Variants in BTBD16 observed in about 807,000 individuals in gnomAD.
BTBD16 encodes the protein BTB/POZ domain-containing protein 16.
In BTBD16, 66 loss-of-function variants were observed where a neutral mutation model predicts 67.4. The observed-to-expected ratio is 0.98, with a 90% CI of 0.80 to 1.20. The LOEUF (loss-of-function observed/expected upper bound fraction) is 1.20. Among genes scored for constraint, BTBD16 ranks in the 50% most tolerant of loss-of-function variants. The probability of loss-of-function intolerance (pLI) is 0.00; values close to 1 mark genes in which losing one functional copy is unlikely to be tolerated. For synonymous variants in BTBD16, 242 were observed against 236.4 expected (o/e 1.02, Z -0.22); for missense variants, 634 against 616.0 (o/e 1.03, Z -0.31).
intron 9 of BTBD16, 128 bp from the exon 10 acceptor site, chr10:122,307,061 T>G: frequency 9.3e-7 from 1 of 1,078,528 alleles, no homozygotes; most frequent in Non-Finnish European, 1.3e-6. Context: ...CTGCTTGATG[T>G]CTGAGGCTAC....
At chr10:122,288,364 T>C (rs1004288024) in intron 5 of BTBD16, among the ~76,000 whole-genome samples, 2 of 152,146 alleles carry the variant, frequency 1.3e-5, no homozygotes, top group African/African-American at 2.4e-5. Flanking sequence ...ATTTACTCAG[T>C]GAGAGCCAGC....
chr10:122,310,721 A>G (rs373781003), intron 10 of BTBD16, among the ~76,000 whole-genome samples: 21 of 152,380 alleles, frequency 1.4e-4, no homozygotes, highest in African/African-American at 4.8e-4. Flanking sequence ...TTGATAAAAT[A>G]ACTTCAATGA....
intron 11 of BTBD16, 103 bp from the exon 12 acceptor site, chr10:122,331,073 T>A (rs2096454278): frequency 1.4e-6 from 2 of 1,474,960 alleles, no homozygotes; most frequent in East Asian, 4.8e-5. Context: ...CCCCTTTCCC[T>A]TCCCTCAGCT....
Position 122,315,131 on chromosome 10 carries a change from GAT to G in BTBD16, c.911+7829_911+7830del, listed in dbSNP as rs1278880566. On this transcript the variant is annotated intron_variant, in intron 10 of 15. Transcript: ENST00000260723. ...AATGGTTCTCAGATTTTCTCAAAAT[GAT>G]ATATAGTTTTCTCCTTTTTGCTATG... Among the ~76,000 whole-genome samples, 141 of 152,226 alleles carry G rather than the reference GAT, an allele frequency of 9.3e-4. 1 individual carries two copies. Among genetic ancestry groups the G allele is most frequent in the Non-Finnish European group, 1.5e-4 (10 of 68,006 alleles).
intron 5 of BTBD16, 38 bp downstream of exon 5, chr10:122,286,286 G>A: frequency 6.3e-7 from 1 of 1,576,876 alleles, no homozygotes; most frequent in Non-Finnish European, 8.6e-7. Context: ...GAGCCCCAGT[G>A]CCCTCTAGCT....
chr10:122,313,257 G>GTTTTTTTTTTTTTTTT (rs58984425), intron 10 of BTBD16, among the ~76,000 whole-genome samples: 2 of 139,136 alleles, frequency 1.4e-5, no homozygotes, highest in Non-Finnish European at 1.5e-5. Context: ...AGTTAGTGCT[G>GTTTTTTTTTTTTTTTT]TTTTTTTTTT....
Position 122,336,562 on chromosome 10 carries a change from G to A in BTBD16, c.1332G>A (p.Ala444=), listed in dbSNP as rs139875551. The change falls in exon 15 of 16, where the codon GCG becomes GCA. Residue 444 remains alanine (A), a synonymous_variant. Transcript: ENST00000260723. ...VYEHNHVSLR[A]ARLVKYEIRA... is the part of the protein sequence containing the mutation. ...AGCACAACCACGTCAGCCTGCGAGC[G>A]GCACGCCTGGTGAAGTATGAGATCA... The A allele has an allele frequency of 6.8e-6, 11 of 1,612,886 alleles. No homozygotes were observed. The highest frequency in any genetic ancestry group is 3.4e-5 in the Admixed American group (2 of 59,696).
At chr10:122,327,806 C>T (rs1014247981) in intron 10 of BTBD16, among the ~76,000 whole-genome samples, 2 of 152,200 alleles carry the variant, frequency 1.3e-5, no homozygotes, top group Admixed American at 6.5e-5. Context: ...CTCGGTTCCT[C>T]TTGCCCCTGC....
At chr10:122,278,745 T>C (rs1211972069) in intron 3 of BTBD16, among the ~76,000 whole-genome samples, 3 of 152,182 alleles carry the variant, frequency 2.0e-5, no homozygotes, top group South Asian at 2.1e-4. Flanking sequence ...CTTTGTGATA[T>C]TGGGAAGCTG....
Position 122,336,625 on chromosome 10 carries a change from C to T in BTBD16, c.1395C>T (p.Phe465=), listed in dbSNP as rs141103171. 1,560 of 1,609,870 alleles carry T rather than the reference C, an allele frequency of 9.7e-4. 1 individual carries two copies. Among genetic ancestry groups the T allele is most frequent in the Non-Finnish European group, 9.4e-4 (1,107 of 1,179,022 alleles). ...EALVDGKWQE[F]RTNQIKQKFG... is the part of the protein sequence containing the mutation. ...TGGTTGACGGCAAGTGGCAGGAGTT[C>T]AGGACAAACCAGATCAAGCAGAAGT... is the stretch of plus-strand genomic sequence containing the variant. The change falls in exon 15 of 16, where the codon TTC becomes TTT. Residue 465 remains phenylalanine (F), a synonymous_variant. Transcript: ENST00000260723.
chr10:122,279,624 T>A (rs1176225530), intron 3 of BTBD16, among the ~76,000 whole-genome samples: 5 of 151,836 alleles, frequency 3.3e-5, no homozygotes, highest in Non-Finnish European at 5.9e-5. Context: ...AGGGTGTGTA[T>A]AACATGAAGG....
chr10:122,292,350 G>A (rs1413634940), intron 7 of BTBD16, among the ~76,000 whole-genome samples: 1 of 152,112 alleles, frequency 6.6e-6, no homozygotes, highest in African/African-American at 2.4e-5. Context: ...CATCTTCCCT[G>A]CAACCCTAGG....
Position 122,307,231 on chromosome 10 carries a change from T to C in BTBD16, c.834T>C (p.Leu278=). ...FSEFHLLKTM[L]LWVFLQLNYK... The stretch of plus-strand genomic sequence containing the variant: ...AATTCCATCTTCTGAAAACAATGCT[T>C]TTGTGGGTCTTCTTGCAACTGAACT... The change falls in exon 10 of 16, where the codon CTT becomes CTC. Residue 278 remains leucine (L), a synonymous_variant. Coordinates refer to ENST00000260723, the MANE Select transcript of BTBD16 (RefSeq NM_144587.5). The C allele has an allele frequency of 6.2e-7, 1 of 1,611,024 alleles. No individual in the cohort carries two copies. Among genetic ancestry groups the C allele is most frequent in the Admixed American group, 1.7e-5 (1 of 59,302 alleles).
intron 10 of BTBD16, among the ~76,000 whole-genome samples, chr10:122,320,218 A>G (rs1449831579): frequency 1.8e-4 from 28 of 152,114 alleles, no homozygotes; most frequent in Non-Finnish European, 4.4e-5. Context: ...TGAATACAAT[A>G]TTCAGTACAT....
At chr10:122,306,810 A>G (rs1327918941) in intron 9 of BTBD16, among the ~76,000 whole-genome samples, 1 of 152,234 alleles carries the variant, frequency 6.6e-6, no homozygotes, top group Non-Finnish European at 1.5e-5. Flanking sequence ...CTCAATTTCT[A>G]CATCTATAAA....
intron 10 of BTBD16, chr10:122,328,837 C>T (rs543882311): frequency 4.1e-6 from 4 of 985,420 alleles, no homozygotes; most frequent in East Asian, 1.1e-4. Flanking sequence ...CAACCCAGCG[C>T]TGAACTTCAG....
chr10:122,320,977 A>G (rs1020439291), intron 10 of BTBD16, among the ~76,000 whole-genome samples: 2 of 152,078 alleles, frequency 1.3e-5, no homozygotes, highest in African/African-American at 2.4e-5. Flanking sequence ...ATAGTACTCA[A>G]TAGGTAGTTT....
rs1590097522 is a variant in BTBD16, at chr10:122,329,353, A to T, written c.912-127A>T. 5 of 789,828 alleles carry T rather than the reference A, an allele frequency of 6.3e-6. No individual in the cohort carries two copies. In the East Asian group the frequency reaches 1.3e-4, roughly 20 times the overall value. 48.9% of individuals were successfully genotyped at this position (789,828 alleles called of 1,614,324 possible). On this transcript the variant is annotated intron_variant, in intron 10 of 15. Coordinates refer to ENST00000260723, the MANE Select transcript of BTBD16 (RefSeq NM_144587.5). ...CCATGTACCTGACCCCTCCAGAGGG[A>T]CCGAGGCCCCATCTCCCCCTGGCTA...
chr10:122,276,887 A>T lies in BTBD16; in HGVS notation c.115A>T (p.Met39Leu), dbSNP rs745851544. ...FSGDLLSLSQ[M>L]CKALSIDFEE... ...TGGGGACCTGCTCTCACTTTCCCAG[A>T]TGTGCAAGGCTCTGAGCATAGACTT... Residue 39 changes from methionine (M) to leucine (L), a missense_variant, in exon 3 of 16, where the codon ATG becomes TTG. Physicochemically the swap from Met to Leu is conservative, Grantham distance 15. Coordinates refer to ENST00000260723, the MANE Select transcript of BTBD16 (RefSeq NM_144587.5). 6.2e-7 allele frequency: 1 copy of T among 1,614,182 alleles called. No individual in the cohort carries two copies. The highest frequency in any genetic ancestry group is 8.5e-7 in the Non-Finnish European group (1 of 1,180,026).
Sources: gnomAD v4.1 joint callset for allele counts (sites outside exome capture counted in the v4.1 genomes callset) on GRCh38, gnomAD v4.1.1 for gene constraint, MANE v1.5 for transcripts, NCBI Gene and HGNC (gene_info 2026-07-23, HGNC 2026-07-21) for gene names.